LIMK1: variants seen among roughly 807,000 people sequenced by gnomAD.
LIMK1 encodes LIM motif-containing protein kinase.
LIMK1 carries 21 observed loss-of-function variants against 77.6 expected under a neutral mutation model. The ratio of observed to expected loss-of-function variants is 0.27; its 90% CI spans 0.19 to 0.39. LIMK1 has a LOEUF of 0.39. Among genes scored for constraint, LIMK1 ranks in the 10% least tolerant of loss-of-function variants. The probability of loss-of-function intolerance (pLI) is 1.00; values close to 1 mark genes in which losing one functional copy is unlikely to be tolerated. For missense variants in LIMK1, 696 were observed against 901.6 expected, an observed-to-expected ratio of 0.77 and a Z score of 2.92; for synonymous variants, 358 against 370.0, an observed-to-expected ratio of 0.97 and a Z score of 0.37.
At chr7:74,113,073 C>A (rs781859056) in intron 12 of LIMK1, among the ~76,000 whole-genome samples, 2 of 152,108 alleles carry the variant, frequency 1.3e-5, no homozygotes, top group African/African-American at 4.8e-5. Flanking sequence ...AAAATCCCAG[C>A]AATTTGGGAG....
chr7:74,116,114 C>T (rs1554699414), intron 13 of LIMK1, among the ~76,000 whole-genome samples, 156 bp downstream of exon 13: 1 of 152,192 alleles, frequency 6.6e-6, no homozygotes, highest in African/African-American at 2.4e-5. Flanking sequence ...TTAGTGGCAG[C>T]CAGGCACGGT....
At chr7:74,091,611 C>T (rs1341770289) in intron 2 of LIMK1, among the ~76,000 whole-genome samples, 1 of 152,162 alleles carries the variant, frequency 6.6e-6, no homozygotes, top group African/African-American at 2.4e-5. Flanking sequence ...GGACTCGAAC[C>T]GAGGCAGCCT....
intron 4 of LIMK1, among the ~76,000 whole-genome samples, chr7:74,098,786 G>A (rs185171715): frequency 6.6e-6 from 1 of 152,206 alleles, no homozygotes; most frequent in Non-Finnish European, 1.5e-5. Context: ...GGAGGTTACA[G>A]TGAGCCAAGA....
chr7:74,106,731 G>C (rs1410980120), intron 7 of LIMK1, among the ~76,000 whole-genome samples: 1 of 152,178 alleles, frequency 6.6e-6, no homozygotes, highest in African/African-American at 2.4e-5. Context: ...CTATACTCCA[G>C]CCTGGGCAAC....
intron 4 of LIMK1, among the ~76,000 whole-genome samples, chr7:74,098,489 CAG>C: frequency 6.6e-6 from 1 of 152,296 alleles, no homozygotes; most frequent in South Asian, 2.1e-4. Flanking sequence ...CCGAATGACT[CAG>C]AGGGACGAGG....
intron 2 of LIMK1, among the ~76,000 whole-genome samples, chr7:74,087,466 C>A (rs1482476493): frequency 6.6e-6 from 1 of 152,130 alleles, no homozygotes; most frequent in Non-Finnish European, 1.5e-5. Flanking sequence ...GCATAGTCAC[C>A]AAACAGCAAG....
intron 5 of LIMK1, among the ~76,000 whole-genome samples, chr7:74,105,251 G>A (rs1467244643): frequency 1.3e-5 from 2 of 152,098 alleles, no homozygotes; most frequent in African/African-American, 2.4e-5. Context: ...ACTGCGCCCG[G>A]CCAGTCCTAG....
In LIMK1 at chr7:74,103,836, C is replaced by A. The variant is rs1472037906; in HGVS notation, c.609-2039C>A. On this transcript the variant is annotated intron_variant, in intron 5 of 15. Transcript: ENST00000336180. ...TTGAGATAGGGTCTCACTCTGTTGC[C>A]CAGGCTGGAGTGCAGTGACATGATC... is the stretch of plus-strand genomic sequence containing the variant. Among the ~76,000 whole-genome samples the A allele has an allele frequency of 2.0e-5, 3 of 151,964 alleles. No homozygotes were observed. The East Asian group carries it at 5.8e-4, about 29-fold the overall frequency.
rs1368209095 is a variant in LIMK1, at chr7:74,121,613, G to A, written c.*312G>A. The A allele has an allele frequency of 2.3e-5, 8 of 350,256 alleles. No individual in the cohort carries two copies. The highest frequency in any genetic ancestry group is 1.3e-4 in the Admixed American group (3 of 22,684). 21.7% of individuals were successfully genotyped at this position (350,256 alleles called of 1,614,324 possible). On this transcript the variant is annotated 3_prime_UTR_variant, in exon 16 of 16. Coordinates refer to ENST00000336180, the MANE Select transcript of LIMK1 (RefSeq NM_002314.4). ...GTGTGAGTTACGCCCCTTTCCACACGCCGCTGCCCCAGCAACCCTGTTCAC... is the reference window on the plus strand; with the variant it reads ...GTGTGAGTTACGCCCCTTTCCACACACCGCTGCCCCAGCAACCCTGTTCAC...
chr7:74,084,030 C>A lies in LIMK1; in HGVS notation c.40C>A (p.Arg14Ser). The A allele has an allele frequency of 6.7e-7, 1 of 1,493,702 alleles. No individual in the cohort carries two copies. The highest frequency in any genetic ancestry group is 9.0e-7 in the Non-Finnish European group (1 of 1,115,940). The allele number at this position is 1,493,702 out of a possible 1,614,324, so 92.5% of individuals were successfully genotyped here. A position where few individuals can be genotyped will look rare whatever the true frequency, so the allele number is the denominator to read the frequency against. The change falls in exon 1 of 16, where the codon CGT becomes AGT. Residue 14 changes from arginine to serine, a missense_variant. Physicochemically the swap from Arg to Ser is moderately radical, Grantham distance 110. Transcript: ENST00000336180. The stretch of plus-strand genomic sequence containing the variant: ...ACTTTGTTGCACCTGGAGGGAAGAA[C>A]GTATGGGAGAGGAAGGTGCGCGGGC... Reference protein sequence around the residue: ...TLLCCTWREERMGEEGSELPV... With the variant: ...TLLCCTWREESMGEEGSELPV...
At chr7:74,097,241 T>A (rs1219110398) in intron 4 of LIMK1, 52 bp downstream of exon 4, 1 of 1,215,696 alleles carries the variant, frequency 8.2e-7, no homozygotes, top group Non-Finnish European at 1.2e-6. Flanking sequence ...GTGTCACAGA[T>A]CTGCAAGGGT....
chr7:74,118,357 C>A (rs1376496341), intron 13 of LIMK1, among the ~76,000 whole-genome samples: 1 of 143,640 alleles, frequency 7.0e-6, no homozygotes, highest in African/African-American at 2.6e-5. Context: ...AGCCTGACGA[C>A]AGAGTGGGAC....
At chr7:74,115,758 G>C (rs782179595) in intron 12 of LIMK1, 44 bp from the exon 13 acceptor site, 2 of 1,602,622 alleles carry the variant, frequency 1.2e-6, no homozygotes, top group Non-Finnish European at 1.7e-6. Context: ...CAAGCGGGCA[G>C]TACTAGGATC....
At chr7:74,120,499 C>T (rs1479285820) in intron 13 of LIMK1, 84 bp from the exon 14 acceptor site, 1 of 1,476,646 alleles carries the variant, frequency 6.8e-7, no homozygotes, top group African/African-American at 1.4e-5. Flanking sequence ...CCGGGGCATC[C>T]TCCCAGCTGG....
chr7:74,097,095 A>G lies in LIMK1; in HGVS notation c.307A>G (p.Lys103Glu). The change falls in exon 4 of 16, where the codon AAG becomes GAG. Residue 103 changes from lysine (K) to glutamate (E), a missense_variant. Lys to Glu is a moderately conservative substitution (Grantham distance 56). Around this residue, in one of 3 missense-constraint regions of LIMK1, gnomAD observed 252 missense variants for 279.4 expected, o/e 0.90. Transcript: ENST00000336180. ...CCCGCACCAGGTGGCTGGGGAGCTG[A>G]AGTACCACCCCGAGTGTTTCATCTG... is the stretch of plus-strand genomic sequence containing the variant. The part of the protein sequence containing the change: ...KGLVMVAGEL[K>E]YHPECFICLT... 3 of 1,612,928 alleles carry G rather than the reference A, an allele frequency of 1.9e-6. No homozygotes were observed. The highest frequency in any genetic ancestry group is 2.5e-6 in the Non-Finnish European group (3 of 1,179,414).
At position 74,121,363 on chromosome 7, in the gene LIMK1, C is replaced by T. The variant is rs1021606856; in HGVS notation, c.*62C>T. ...GAGAATCCACCCCCACCAGATTCCT[C>T]CGCGGGAGGTGGCCCTCAGCTGGGA... On this transcript the variant is annotated 3_prime_UTR_variant, in exon 16 of 16. Coordinates refer to ENST00000336180, the MANE Select transcript of LIMK1 (RefSeq NM_002314.4). 1.3e-5 allele frequency: 18 copies of T among 1,438,674 alleles called. No homozygotes were observed. Among genetic ancestry groups the T allele is most frequent in the Non-Finnish European group, 1.7e-5 (18 of 1,080,514 alleles). The allele number at this position is 1,438,674 out of a possible 1,614,324, so 89.1% of individuals were successfully genotyped here.
At chr7:74,117,083 G>C (rs939666849) in intron 13 of LIMK1, among the ~76,000 whole-genome samples, 1 of 151,968 alleles carries the variant, frequency 6.6e-6, no homozygotes, top group Non-Finnish European at 1.5e-5. Context: ...GGGTTTCACC[G>C]TGTTAGCCAA....
At chr7:74,093,120 G>A (rs1799269665) in intron 2 of LIMK1, 7 of 1,430,080 alleles carry the variant, frequency 4.9e-6, no homozygotes, top group Non-Finnish European at 5.5e-6. Context: ...CCTCCTGTGC[G>A]CTGCAGCCAC....
At chr7:74,085,976 T>A in intron 2 of LIMK1, 132 bp downstream of exon 2, 1 of 640,748 alleles carries the variant, frequency 1.6e-6, no homozygotes, top group South Asian at 1.8e-5. Context: ...TGGCCTTAAT[T>A]TACCATTTAT....
Sources: allele counts gnomAD v4.1 joint callset (sites outside exome capture counted in the v4.1 genomes callset), GRCh38; gene constraint gnomAD v4.1.1; regional missense constraint gnomAD v4.1.1; transcripts MANE v1.5; gene names NCBI Gene and HGNC (gene_info 2026-07-23, HGNC 2026-07-21).